HS3ST4: variants seen among roughly 807,000 people sequenced by gnomAD.
HS3ST4 encodes heparan sulfate-glucosamine 3-sulfotransferase 4, also known as heparan sulfate glucosamine 3-O-sulfotransferase 4.
A neutral mutation model predicts 29.2 loss-of-function variants in HS3ST4; 17 were observed. The ratio of observed to expected loss-of-function variants is 0.58; its 90% confidence interval spans 0.40 to 0.87. The LOEUF (loss-of-function observed/expected upper bound fraction) is 0.87, where lower values mean the gene tolerates loss of function less well. Among genes scored for constraint, HS3ST4 ranks in the 40% least tolerant of loss-of-function variants. The pLI is 0.00. For synonymous variants in HS3ST4, 314 were observed against 285.7 expected (o/e 1.10, Z -1.00); for missense variants, 627 against 634.5 (o/e 0.99, Z 0.13).
At chr16:25,741,163 G>A (rs774755759) in intron 1 of HS3ST4, among the ~76,000 whole-genome samples, 1 of 151,870 alleles carries the variant, frequency 6.6e-6, no homozygotes, top group Non-Finnish European at 1.5e-5. Flanking sequence ...AACATGTATT[G>A]TACGCAGACT....
At chr16:25,761,970 A>G (rs1414130953) in intron 1 of HS3ST4, among the ~76,000 whole-genome samples, 1 of 152,160 alleles carries the variant, frequency 6.6e-6, no homozygotes, top group Non-Finnish European at 1.5e-5. Flanking sequence ...CCCGAAATTC[A>G]TAGTTTGAAG....
At chr16:25,898,786 G>C (rs1418174089) in intron 1 of HS3ST4, among the ~76,000 whole-genome samples, 1 of 152,192 alleles carries the variant, frequency 6.6e-6, no homozygotes, top group Non-Finnish European at 1.5e-5. Context: ...GCATGAATAA[G>C]AGAGGGAGAT....
intron 1 of HS3ST4, among the ~76,000 whole-genome samples, chr16:25,888,776 G>T (rs1293697241): frequency 6.6e-6 from 1 of 152,162 alleles, no homozygotes; most frequent in Non-Finnish European, 1.5e-5. Context: ...AATACAAGAG[G>T]TATTCACAAC....
intron 1 of HS3ST4, among the ~76,000 whole-genome samples, chr16:25,698,006 G>C (rs962390195): frequency 5.3e-5 from 8 of 152,080 alleles, no homozygotes; most frequent in African/African-American, 1.9e-4. Flanking sequence ...GCTAGATGCT[G>C]CTGCTGCTGC....
intron 1 of HS3ST4, among the ~76,000 whole-genome samples, chr16:25,709,158 C>T (rs1350218533): frequency 1.3e-5 from 2 of 151,846 alleles, no homozygotes; most frequent in South Asian, 2.1e-4. Flanking sequence ...TCTCTGTCGC[C>T]GCTCAGATGG....
intron 1 of HS3ST4, among the ~76,000 whole-genome samples, chr16:25,773,090 T>C (rs1966844350): frequency 6.6e-6 from 1 of 152,230 alleles, no homozygotes; most frequent in Non-Finnish European, 1.5e-5. Flanking sequence ...ACCGTACTTA[T>C]ATACATTCCT....
intron 1 of HS3ST4, among the ~76,000 whole-genome samples, chr16:25,969,766 C>T (rs1200209383): frequency 9.2e-5 from 14 of 152,172 alleles, no homozygotes; most frequent in East Asian, 1.9e-4. Context: ...AATGAAGGGC[C>T]GCCCATGGCA....
chr16:26,123,748 T>C (rs535630383), intron 1 of HS3ST4, among the ~76,000 whole-genome samples: 2 of 152,278 alleles, frequency 1.3e-5, no homozygotes, highest in South Asian at 2.1e-4. Flanking sequence ...CTCCCACTTA[T>C]AAGTGAGAAC....
intron 1 of HS3ST4, among the ~76,000 whole-genome samples, chr16:25,802,963 GTA>G (rs1015846760): frequency 2.8e-4 from 39 of 140,880 alleles, no homozygotes; most frequent in African/African-American, 9.0e-4. Context: ...GTGTGTGTGT[GTA>G]TATATTTCTT....
intron 1 of HS3ST4, among the ~76,000 whole-genome samples, chr16:25,846,141 G>A (rs776742105): frequency 5.9e-5 from 9 of 152,130 alleles, no homozygotes; most frequent in Non-Finnish European, 1.0e-4. Flanking sequence ...CCTCTTGATC[G>A]TAAAGTAGCA....
intron 1 of HS3ST4, among the ~76,000 whole-genome samples, chr16:25,860,705 G>C (rs1967627857): frequency 6.6e-6 from 1 of 152,168 alleles, no homozygotes; most frequent in African/African-American, 2.4e-5. Flanking sequence ...TGGTGGCCAA[G>C]GTCTGGGGAT....
chr16:25,829,653 C>A (rs1294167250), intron 1 of HS3ST4, among the ~76,000 whole-genome samples: 2 of 152,098 alleles, frequency 1.3e-5, no homozygotes, highest in African/African-American at 4.8e-5. Context: ...CTCCCACTTA[C>A]ACGTGAGAAC....
At chr16:25,950,837 G>A (rs190804839) in intron 1 of HS3ST4, among the ~76,000 whole-genome samples, 2 of 152,252 alleles carry the variant, frequency 1.3e-5, no homozygotes, top group African/African-American at 4.8e-5. Flanking sequence ...TGAGGATTAA[G>A]TCAAATAACA....
chr16:26,048,466 G>A (rs191131906), intron 1 of HS3ST4, among the ~76,000 whole-genome samples: 1 of 149,340 alleles, frequency 6.7e-6, no homozygotes, highest in African/African-American at 2.4e-5. Flanking sequence ...CACTGAATAT[G>A]TGTGTGGTTG....
intron 1 of HS3ST4, among the ~76,000 whole-genome samples, chr16:26,112,452 G>A (rs1030574521): frequency 8.1e-5 from 11 of 135,698 alleles, no homozygotes; most frequent in African/African-American, 1.9e-4. Flanking sequence ...ACACGACCTT[G>A]GCCCACCACA....
chr16:26,118,906 T>C (rs955084163), intron 1 of HS3ST4, among the ~76,000 whole-genome samples: 1 of 152,174 alleles, frequency 6.6e-6, no homozygotes, highest in Non-Finnish European at 1.5e-5. Flanking sequence ...TAATGAGACA[T>C]TTTTGAAAGG....
At chr16:25,910,792 C>G (rs1287706828) in intron 1 of HS3ST4, among the ~76,000 whole-genome samples, 4 of 152,150 alleles carry the variant, frequency 2.6e-5, no homozygotes, top group African/African-American at 9.7e-5. Context: ...TTGTCATTCT[C>G]CATCCTGTGT....
intron 1 of HS3ST4, among the ~76,000 whole-genome samples, chr16:25,694,174 C>G (rs1966276681): frequency 6.6e-6 from 1 of 152,188 alleles, no homozygotes. Flanking sequence ...GAAACACAGC[C>G]TTTGTCAGCT....
chr16:25,797,861 G>C (rs1187168589), intron 1 of HS3ST4, among the ~76,000 whole-genome samples: 1 of 152,230 alleles, frequency 6.6e-6, no homozygotes, highest in African/African-American at 2.4e-5. Context: ...ATGCTGGCTA[G>C]AACAGGCATT....
Sources: allele counts gnomAD v4.1 joint callset (sites outside exome capture counted in the v4.1 genomes callset), GRCh38; gene constraint gnomAD v4.1.1; transcripts MANE v1.5; gene names NCBI Gene and HGNC (gene_info 2026-07-23, HGNC 2026-07-21).